PARD3: variants seen among roughly 807,000 people sequenced by gnomAD.
PARD3 encodes partitioning defective 3 homolog.
A neutral mutation model predicts 155.4 loss-of-function variants in PARD3; 75 were observed. That is an observed-to-expected ratio of 0.48 (90% CI 0.40 to 0.58). The LOEUF (loss-of-function observed/expected upper bound fraction) is 0.58. Ranked by LOEUF, PARD3 falls within the 20% of genes least tolerant of loss-of-function variation. The pLI, the probability that PARD3 is intolerant of heterozygous loss-of-function variation, is 0.00. For missense variants in PARD3, 1,642 were observed against 1,721.7 expected (o/e 0.95, Z 0.82); for synonymous variants, 576 against 610.5 (o/e 0.94, Z 0.83).
intron 4 of PARD3, among the ~76,000 whole-genome samples, chr10:34,456,828 T>C (rs1317762369): frequency 6.6e-6 from 1 of 152,216 alleles, no homozygotes; most frequent in Non-Finnish European, 1.5e-5. Context: ...ATTCTTCACA[T>C]TTGATAATAT....
chr10:34,241,955 T>C (rs1332600615), intron 22 of PARD3, among the ~76,000 whole-genome samples: 1 of 150,710 alleles, frequency 6.6e-6, no homozygotes, highest in African/African-American at 2.4e-5. Context: ...GAGTCTCTTT[T>C]AAAAAAAAAA....
In PARD3 at chr10:34,568,966, A is replaced by C. The variant is rs1564362017; in HGVS notation, c.223-51807T>G. 2.0e-5 allele frequency among the ~76,000 whole-genome samples: 3 copies of C among 152,348 alleles called. No individual in the cohort carries two copies. In the South Asian group the frequency reaches 6.2e-4, roughly 32 times the overall value. On this transcript the variant is annotated intron_variant, in intron 2 of 24. Coordinates refer to ENST00000374788, the MANE Select transcript of PARD3 (RefSeq NM_001184785.2). ...ACCATCTAAAAATAAACACTCACTA[A>C]GGTTATTGATATTCAAATCTAAACT...
At chr10:34,442,315 CCTAT>C (rs1219556417) in intron 5 of PARD3, among the ~76,000 whole-genome samples, 20 of 152,158 alleles carry the variant, frequency 1.3e-4, no homozygotes, top group African/African-American at 4.8e-4. Context: ...ACCATGAAGC[CCTAT>C]CTATTCCTAT....
At chr10:34,688,819 GC>G (rs1205719300) in intron 2 of PARD3, among the ~76,000 whole-genome samples, 1 of 152,108 alleles carries the variant, frequency 6.6e-6, no homozygotes, top group African/African-American at 2.4e-5. Flanking sequence ...ATTTTCTTTT[GC>G]TATCATTTAA....
intron 5 of PARD3, among the ~76,000 whole-genome samples, chr10:34,449,653 T>A (rs960171787): frequency 2.0e-5 from 3 of 151,114 alleles, no homozygotes; most frequent in Non-Finnish European, 2.9e-5. Context: ...GAGTCTTCCA[T>A]ATGAAAGGAG....
chr10:34,759,612 AGGAAGTGAGAG>A (rs1196440124), intron 1 of PARD3, among the ~76,000 whole-genome samples: 10 of 152,254 alleles, frequency 6.6e-5, no homozygotes, highest in Non-Finnish European at 1.5e-5. Context: ...CATATAAAAC[AGGAAGTGAGAG>A]GGACAATTTG....
intron 2 of PARD3, among the ~76,000 whole-genome samples, chr10:34,594,932 T>TA (rs1487778000): frequency 6.6e-6 from 1 of 152,224 alleles, no homozygotes; most frequent in Non-Finnish European, 1.5e-5. Context: ...TGACTCTCTT[T>TA]AGTTTCTCCA....
Position 34,360,118 on chromosome 10 carries a change from A to C in PARD3, c.1849T>G (p.Leu617Val). 6.2e-7 allele frequency: 1 copy of C among 1,614,106 alleles called. No individual in the cohort carries two copies. Among genetic ancestry groups the C allele is most frequent in the African/African-American group, 1.3e-5 (1 of 75,046 alleles). Residue 617 changes from leucine (L) to valine (V), a missense_variant, in exon 13 of 25, where the codon TTG becomes GTG. Transcript: ENST00000374788. ...GNRSKENHAD[L>V]GIFVKSIING... is the part of the protein sequence containing the mutation. The stretch of plus-strand genomic sequence containing the variant: ...ATAATGGACTTGACAAAGATTCCCA[A>C]ATCTGCGTGGTTCTCTTTTGACCGG...
chr10:34,151,861 T>C (rs1948797381), intron 22 of PARD3, among the ~76,000 whole-genome samples: 1 of 152,212 alleles, frequency 6.6e-6, no homozygotes, highest in Non-Finnish European at 1.5e-5. Flanking sequence ...GTAACTTTAA[T>C]AGTAAAAGTA....
chr10:34,337,328 G>T lies in PARD3; in HGVS notation c.2507C>A (p.Ala836Asp). 6.3e-7 allele frequency: 1 copy of T among 1,599,714 alleles called. No homozygotes were observed. Among genetic ancestry groups the T allele is most frequent in the Non-Finnish European group, 8.5e-7 (1 of 1,173,038 alleles). ...SEKRTKQFSD[A>D]SQLDFVKTRK... ...TGTTTTAACGAAATCCAATTGACTG[G>T]CATCTGAAAATTGCTTTGTGCGTTT... Residue 836 changes from alanine to aspartate, a missense_variant, in exon 17 of 25, where the codon GCC becomes GAC. By Grantham distance (126) the Ala-to-Asp change is moderately radical (BLOSUM62 -2). Around this residue, in one of 3 missense-constraint regions of PARD3, gnomAD observed 1,529 missense variants for 1,587.3 expected, o/e 0.96. Coordinates refer to ENST00000374788, the MANE Select transcript of PARD3 (RefSeq NM_001184785.2).
intron 2 of PARD3, among the ~76,000 whole-genome samples, chr10:34,601,468 T>TA (rs2089776446): frequency 1.3e-5 from 2 of 152,112 alleles, no homozygotes; most frequent in Admixed American, 1.3e-4. Context: ...AATAAGTAAA[T>TA]AAAATTCAAA....
Position 34,593,088 on chromosome 10 carries a change from G to T in PARD3, c.223-75929C>A, listed in dbSNP as rs543209078. ...AGGGTAGTGAGAAAGACACAAGTAC[G>T]CCATCAATGTGGGTTTGAGGCAGAA... On this transcript the variant is annotated intron_variant, in intron 2 of 24. Transcript: ENST00000374788. Among the ~76,000 whole-genome samples the T allele has an allele frequency of 9.8e-5, 15 of 152,286 alleles. No homozygotes were observed. The East Asian group carries it at 2.9e-3, about 29-fold the overall frequency.
chr10:34,287,658 A>C (rs1956463852), intron 20 of PARD3, among the ~76,000 whole-genome samples: 1 of 152,218 alleles, frequency 6.6e-6, no homozygotes, highest in Non-Finnish European at 1.5e-5. Context: ...TTGGTCCTAC[A>C]TTGTTAAGAA....
chr10:34,234,195 A>C (rs539766118), intron 22 of PARD3, among the ~76,000 whole-genome samples: 2 of 151,466 alleles, frequency 1.3e-5, no homozygotes, highest in African/African-American at 4.9e-5. Context: ...CTACTGATAC[A>C]TAACTACTTT....
intron 1 of PARD3, among the ~76,000 whole-genome samples, chr10:34,708,629 G>A (rs1324817988): frequency 6.6e-6 from 1 of 152,114 alleles, no homozygotes; most frequent in Non-Finnish European, 1.5e-5. Context: ...TAAACAACTG[G>A]TGAATCTAAA....
intron 2 of PARD3, among the ~76,000 whole-genome samples, chr10:34,570,304 T>C (rs1170787164): frequency 6.6e-6 from 1 of 152,222 alleles, no homozygotes; most frequent in African/African-American, 2.4e-5. Flanking sequence ...AAAATCAAGA[T>C]GTATAGACTG....
chr10:34,400,204 T>G (rs548183029), intron 6 of PARD3, among the ~76,000 whole-genome samples: 32 of 152,354 alleles, frequency 2.1e-4, no homozygotes, highest in Non-Finnish European at 3.4e-4. Flanking sequence ...CTAGAACTCT[T>G]GTGCTCAAGC....
At chr10:34,671,058 G>A (rs2093602251) in intron 2 of PARD3, among the ~76,000 whole-genome samples, 1 of 152,234 alleles carries the variant, frequency 6.6e-6, no homozygotes, top group Non-Finnish European at 1.5e-5. Context: ...GCGGGCACCT[G>A]TCAATGGCTG....
intron 1 of PARD3, among the ~76,000 whole-genome samples, chr10:34,781,235 C>T (rs1460537047): frequency 6.6e-6 from 1 of 152,224 alleles, no homozygotes; most frequent in East Asian, 1.9e-4. Flanking sequence ...ACGCTGCTCA[C>T]AAGTAAAAGA....
Sources: allele counts gnomAD v4.1 joint callset (sites outside exome capture counted in the v4.1 genomes callset), GRCh38; gene constraint gnomAD v4.1.1; regional missense constraint gnomAD v4.1.1; transcripts MANE v1.5; gene names NCBI Gene and HGNC (gene_info 2026-07-23, HGNC 2026-07-21).